SPAG16: variants seen among roughly 807,000 people sequenced by gnomAD.
The protein encoded by SPAG16 is sperm-associated antigen 16 protein.
SPAG16 carries 86 observed loss-of-function variants against 80.4 expected under a neutral mutation model. The ratio of observed to expected loss-of-function variants is 1.07; its 90% CI spans 0.90 to 1.28. The LOEUF (loss-of-function observed/expected upper bound fraction) is 1.28. SPAG16 is among the 50% of genes most tolerant of loss of function. The pLI, the probability that SPAG16 is intolerant of heterozygous loss-of-function variation, is 0.00. For missense variants in SPAG16, 870 were observed against 765.3 expected (o/e 1.14, Z -1.61); for synonymous variants, 294 against 265.9 (o/e 1.11, Z -1.03).
At chr2:214,037,451 C>T (rs530967638) in intron 13 of SPAG16, among the ~76,000 whole-genome samples, 1 of 152,018 alleles carries the variant, frequency 6.6e-6, no homozygotes, top group South Asian at 2.1e-4. Flanking sequence ...TATATGATTA[C>T]ATTTTAAGAA....
At chr2:214,319,992 C>T (rs1019073208) in intron 15 of SPAG16, among the ~76,000 whole-genome samples, 4 of 152,148 alleles carry the variant, frequency 2.6e-5, no homozygotes, top group African/African-American at 4.8e-5. Context: ...ATCTCTAGTG[C>T]GACAAAATTA....
chr2:213,890,684 ATTTTT>A (rs2076753302), intron 11 of SPAG16, among the ~76,000 whole-genome samples: 1 of 151,846 alleles, frequency 6.6e-6, no homozygotes, highest in Non-Finnish European at 1.5e-5. Flanking sequence ...GGCCAGTTGT[ATTTTT>A]TGTTTTGTTA....
chr2:213,982,372 A>C (rs868683756), intron 12 of SPAG16, among the ~76,000 whole-genome samples: 1 of 151,448 alleles, frequency 6.6e-6, no homozygotes, highest in South Asian at 2.1e-4. Flanking sequence ...TTAATGTAAT[A>C]TCTATTATAT....
chr2:213,440,183 CAAAG>C (rs1057336112), intron 9 of SPAG16, among the ~76,000 whole-genome samples: 1 of 152,098 alleles, frequency 6.6e-6, no homozygotes, highest in African/African-American at 2.4e-5. Context: ...AATATCAACT[CAAAG>C]AAGCACAAGT....
intron 9 of SPAG16, among the ~76,000 whole-genome samples, chr2:213,388,172 T>A (rs1319907853): frequency 1.3e-5 from 2 of 152,204 alleles, no homozygotes; most frequent in Non-Finnish European, 1.5e-5. Context: ...AGGAGTACCT[T>A]GCAGGAGCCT....
At chr2:214,142,807 A>G (rs1379862840) in intron 14 of SPAG16, among the ~76,000 whole-genome samples, 1 of 152,132 alleles carries the variant, frequency 6.6e-6, no homozygotes, top group Non-Finnish European at 1.5e-5. Context: ...TTGTCAGGAA[A>G]TCTTACCCCA....
At chr2:214,054,101 C>T (rs555160131) in intron 13 of SPAG16, among the ~76,000 whole-genome samples, 34 of 152,184 alleles carry the variant, frequency 2.2e-4, no homozygotes, top group African/African-American at 7.7e-4. Context: ...CCTCCGCCTC[C>T]CGGGTTCAAG....
At chr2:213,295,902 G>T in intron 1 of SPAG16, 162 bp from the exon 2 acceptor site, 1 of 488,492 alleles carries the variant, frequency 2.0e-6, no homozygotes, top group Non-Finnish European at 3.6e-6. Context: ...TAGATTTATA[G>T]GCTATATGGG....
At chr2:214,176,273 C>A (rs906835445) in intron 15 of SPAG16, among the ~76,000 whole-genome samples, 1 of 150,764 alleles carries the variant, frequency 6.6e-6, no homozygotes, top group African/African-American at 2.4e-5. Context: ...AAAGAAACTT[C>A]TTTTTTTAAA....
intron 12 of SPAG16, among the ~76,000 whole-genome samples, chr2:213,932,261 A>C (rs2078796627): frequency 6.7e-6 from 1 of 149,098 alleles, no homozygotes. Flanking sequence ...CCCAGGCTAG[A>C]GTGCAGTGGC....
rs149681197 is a variant in SPAG16, at chr2:214,364,373, C to T, written c.1721-45767C>T. Among the ~76,000 whole-genome samples the T allele has an allele frequency of 5.7e-4, 87 of 152,160 alleles. 1 individual carries two copies. In the Middle Eastern group the frequency reaches 0.01, roughly 18 times the overall value. ...TTTCTCCTTAAAATGTTCCCTGACTCCAAAAAGAGGTACTTACTCCTCTGT... is the reference window on the plus strand; with the variant it reads ...TTTCTCCTTAAAATGTTCCCTGACTTCAAAAAGAGGTACTTACTCCTCTGT... On this transcript the variant is annotated intron_variant, in intron 15 of 15. Coordinates refer to ENST00000331683, the MANE Select transcript of SPAG16 (RefSeq NM_024532.5).
intron 6 of SPAG16, 25 bp from the exon 7 acceptor site, chr2:213,350,503 A>G (rs2065267473): frequency 1.6e-6 from 2 of 1,274,934 alleles, no homozygotes; most frequent in South Asian, 1.4e-5. Context: ...ACCCCTTAAG[A>G]TGCTATTGAC....
chr2:213,919,104 A>C (rs1054053547), intron 11 of SPAG16, among the ~76,000 whole-genome samples: 1 of 152,024 alleles, frequency 6.6e-6, no homozygotes, highest in African/African-American at 2.4e-5. Flanking sequence ...TATTTGGATT[A>C]ATTAATCTTT....
Position 213,375,090 on chromosome 2 carries a change from T to C in SPAG16, c.913T>C (p.Cys305Arg), listed in dbSNP as rs771330579. Residue 305 changes from cysteine (C) to arginine (R), a missense_variant, in exon 9 of 16, where the codon TGT becomes CGT. Physicochemically the swap from Cys to Arg is radical, Grantham distance 180. Coordinates refer to ENST00000331683, the MANE Select transcript of SPAG16 (RefSeq NM_024532.5). ...GLREAREQNK[C>R]KTKMKGNTKD... ...TCGTGAAGCCAGGGAACAAAACAAA[T>C]GTAAAACAAAGATGAAAGGCAATAC... The C allele has an allele frequency of 6.2e-7, 1 of 1,608,420 alleles. No individual in the cohort carries two copies. The highest frequency in any genetic ancestry group is 1.1e-5 in the South Asian group (1 of 90,108).
chr2:214,258,345 T>C (rs1215416515), intron 15 of SPAG16, among the ~76,000 whole-genome samples: 1 of 152,042 alleles, frequency 6.6e-6, no homozygotes, highest in Non-Finnish European at 1.5e-5. Flanking sequence ...TATTTGGTTT[T>C]CCATTCCTGA....
intron 15 of SPAG16, among the ~76,000 whole-genome samples, chr2:214,190,284 G>A (rs2057620854): frequency 6.6e-6 from 1 of 152,060 alleles, no homozygotes; most frequent in Admixed American, 6.6e-5. Flanking sequence ...ACCTTTACAA[G>A]CTTCCTCTCC....
intron 10 of SPAG16, among the ~76,000 whole-genome samples, chr2:213,685,700 A>G (rs1191705344): frequency 6.6e-6 from 1 of 152,216 alleles, no homozygotes; most frequent in Non-Finnish European, 1.5e-5. Context: ...CATTTTTATG[A>G]GTTTCCTTTT....
At chr2:214,097,752 A>T (rs2052700977) in intron 13 of SPAG16, among the ~76,000 whole-genome samples, 1 of 152,042 alleles carries the variant, frequency 6.6e-6, no homozygotes, top group South Asian at 2.1e-4. Context: ...TATAATTATG[A>T]AGTGATAAAG....
chr2:213,727,455 G>GA (rs1180853764), intron 10 of SPAG16, among the ~76,000 whole-genome samples: 2 of 151,892 alleles, frequency 1.3e-5, no homozygotes, highest in East Asian at 1.9e-4. Context: ...AGGTGGTCAA[G>GA]AAAAAAAATC....
Sources: allele counts gnomAD v4.1 joint callset (sites outside exome capture counted in the v4.1 genomes callset), GRCh38; gene constraint gnomAD v4.1.1; transcripts MANE v1.5; gene names NCBI Gene and HGNC (gene_info 2026-07-23, HGNC 2026-07-21).